MOCOS: variants seen among roughly 807,000 people sequenced by gnomAD.
MOCOS encodes the protein molybdenum cofactor sulfurase.
Under a neutral mutation model 83.6 loss-of-function variants are expected in MOCOS, and 86 were observed. The ratio of observed to expected loss-of-function variants is 1.03; its 90% CI spans 0.86 to 1.23. The LOEUF (loss-of-function observed/expected upper bound fraction) is 1.23. MOCOS is among the 50% of genes most tolerant of loss of function. The pLI, the probability that MOCOS is intolerant of heterozygous loss-of-function variation, is 0.00. For synonymous variants in MOCOS, 445 were observed against 434.7 expected, an observed-to-expected ratio of 1.02 and a Z score of -0.29; for missense variants, 1,120 against 1,126.9, an observed-to-expected ratio of 0.99 and a Z score of 0.09.
At chr18:36,221,760 CTTG>C (rs1473442743) in intron 9 of MOCOS, among the ~76,000 whole-genome samples, 1 of 145,024 alleles carries the variant, frequency 6.9e-6, no homozygotes, top group Non-Finnish European at 1.5e-5. Context: ...GAGTTTCACT[CTTG>C]TTGTCCAGGC....
At chr18:36,230,552 G>A (rs1222934427) in intron 9 of MOCOS, among the ~76,000 whole-genome samples, 1 of 152,192 alleles carries the variant, frequency 6.6e-6, no homozygotes. Flanking sequence ...CTTATGGTGT[G>A]ATGAGCACTG....
At chr18:36,187,722 G>A (rs937730837) in intron 1 of MOCOS, 41 bp downstream of exon 1, 75 of 1,254,552 alleles carry the variant, frequency 6.0e-5, no homozygotes, top group Non-Finnish European at 7.5e-5. Flanking sequence ...GAGGTTTCTG[G>A]AACCGACGTG....
At chr18:36,193,816 A>G (rs2091376106) in intron 1 of MOCOS, among the ~76,000 whole-genome samples, 1 of 152,128 alleles carries the variant, frequency 6.6e-6, no homozygotes, top group Non-Finnish European at 1.5e-5. Flanking sequence ...ATGAGAGAAA[A>G]CACATCCACA....
chr18:36,194,388 G>A (rs1346404795), intron 1 of MOCOS, among the ~76,000 whole-genome samples: 3 of 152,168 alleles, frequency 2.0e-5, no homozygotes, highest in East Asian at 3.8e-4. Context: ...GTGTATCTCA[G>A]AGTTTGTTTC....
At chr18:36,202,242 C>A (rs1359848048) in intron 4 of MOCOS, among the ~76,000 whole-genome samples, 1 of 152,106 alleles carries the variant, frequency 6.6e-6, no homozygotes. Flanking sequence ...CATCCCTTGA[C>A]AGAAACAAAA....
At chr18:36,197,048 A>G (rs2091391105) in intron 2 of MOCOS, among the ~76,000 whole-genome samples, 1 of 152,134 alleles carries the variant, frequency 6.6e-6, no homozygotes, top group Non-Finnish European at 1.5e-5. Flanking sequence ...ACATTTGGTG[A>G]GGACACCAGG....
intron 11 of MOCOS, among the ~76,000 whole-genome samples, chr18:36,252,614 C>T (rs1311198927): frequency 1.3e-5 from 2 of 152,078 alleles, no homozygotes; most frequent in South Asian, 2.1e-4. Flanking sequence ...GTCCCAGCTG[C>T]TTGGGAGACT....
chr18:36,242,315 C>G (rs1297623933), intron 9 of MOCOS, among the ~76,000 whole-genome samples: 6 of 152,192 alleles, frequency 3.9e-5, no homozygotes, highest in Non-Finnish European at 8.8e-5. Flanking sequence ...ATCCACTTCC[C>G]CACAAGTTCC....
At chr18:36,234,630 C>A (rs2091550742) in intron 9 of MOCOS, among the ~76,000 whole-genome samples, 2 of 152,120 alleles carry the variant, frequency 1.3e-5, no homozygotes, top group Admixed American at 1.3e-4. Context: ...ACAGCATGGT[C>A]ATTTTCACAA....
chr18:36,227,543 A>G (rs899432571), intron 9 of MOCOS, among the ~76,000 whole-genome samples: 1 of 151,954 alleles, frequency 6.6e-6, no homozygotes, highest in African/African-American at 2.4e-5. Flanking sequence ...TAACAAGTGC[A>G]TGCCACCACA....
intron 9 of MOCOS, among the ~76,000 whole-genome samples, chr18:36,244,887 T>A (rs1192319413): frequency 1.3e-5 from 2 of 152,174 alleles, no homozygotes; most frequent in South Asian, 2.1e-4. Flanking sequence ...TATTCCTCTT[T>A]GTCTTTTTAA....
At chr18:36,213,228 A>G in intron 6 of MOCOS, 138 bp from the exon 7 acceptor site, 1 of 743,190 alleles carries the variant, frequency 1.3e-6, no homozygotes, top group South Asian at 1.5e-5. Context: ...AACCTGTGAT[A>G]AATCATTTTA....
At chr18:36,234,515 GTT>G (rs1305985722) in intron 9 of MOCOS, among the ~76,000 whole-genome samples, 1 of 152,104 alleles carries the variant, frequency 6.6e-6, no homozygotes. Context: ...TAAGTGGGCT[GTT>G]TTTTTGTTTC....
chr18:36,248,797 C>A, intron 9 of MOCOS, 125 bp from the exon 10 acceptor site: 1 of 769,652 alleles, frequency 1.3e-6, no homozygotes, highest in South Asian at 1.5e-5. Flanking sequence ...TCACATTGGT[C>A]TATGTGTCTA....
intron 9 of MOCOS, among the ~76,000 whole-genome samples, chr18:36,228,471 A>G (rs560397223): frequency 1.1e-4 from 17 of 152,364 alleles, no homozygotes; most frequent in African/African-American, 3.8e-4. Context: ...AAAATGTGGT[A>G]CATATACACC....
chr18:36,216,965 C>G (rs2091478196), intron 8 of MOCOS, among the ~76,000 whole-genome samples: 1 of 152,072 alleles, frequency 6.6e-6, no homozygotes, highest in African/African-American at 2.4e-5. Context: ...TCAGATAATC[C>G]CACCTTAAGA....
At chr18:36,211,749 A>T (rs1392071210) in intron 6 of MOCOS, among the ~76,000 whole-genome samples, 1 of 152,110 alleles carries the variant, frequency 6.6e-6, no homozygotes, top group Admixed American at 6.5e-5. Context: ...TCTTCTGCTC[A>T]CATCCTCTCC....
chr18:36,219,658 G>A (rs34851413), intron 8 of MOCOS, among the ~76,000 whole-genome samples: 15,644 of 152,124 alleles, frequency 0.1, 905 homozygotes, highest in Non-Finnish European at 0.13. Context: ...CAGCCTGGGC[G>A]ACAGAGCAAG....
intron 10 of MOCOS, 78 bp downstream of exon 10, chr18:36,249,078 C>T: frequency 8.1e-7 from 1 of 1,228,274 alleles, no homozygotes; most frequent in Non-Finnish European, 1.2e-6. Context: ...ATGCCCTATG[C>T]AATCTATCCT....
Sources: gnomAD v4.1 joint callset for allele counts (sites outside exome capture counted in the v4.1 genomes callset) on GRCh38, gnomAD v4.1.1 for gene constraint, MANE v1.5 for transcripts, NCBI Gene and HGNC (gene_info 2026-07-23, HGNC 2026-07-21) for gene names.